Variants in ERBB4 observed in about 807,000 individuals in gnomAD.
The protein encoded by ERBB4 is receptor tyrosine-protein kinase erbB-4.
ERBB4 carries 42 observed loss-of-function variants against 158.0 expected under a neutral mutation model. The observed-to-expected ratio is 0.27, with a 90% confidence interval of 0.21 to 0.34. The LOEUF (loss-of-function observed/expected upper bound fraction) is 0.34, where lower values mean the gene tolerates loss of function less well. ERBB4 is among the 10% of genes least tolerant of loss of function. The probability of loss-of-function intolerance (pLI) is 1.00; values close to 1 mark genes in which losing one functional copy is unlikely to be tolerated. For synonymous variants in ERBB4, 583 were observed against 558.7 expected, an observed-to-expected ratio of 1.04 and a Z score of -0.61; for missense variants, 1,333 against 1,624.1, an observed-to-expected ratio of 0.82 and a Z score of 3.08.
At chr2:211,968,012 G>T (rs955229265) in intron 2 of ERBB4, among the ~76,000 whole-genome samples, 1 of 151,708 alleles carries the variant, frequency 6.6e-6, no homozygotes, top group Non-Finnish European at 1.5e-5. Context: ...AGACTACATA[G>T]ATATATTTAG....
chr2:212,352,334 A>AAC lies in ERBB4; in HGVS notation c.82+186114_82+186115insGT, dbSNP rs1015847729. On this transcript the variant is annotated intron_variant, in intron 1 of 27. Coordinates refer to ENST00000342788, the MANE Select transcript of ERBB4 (RefSeq NM_005235.3). ...AACCTAAAATAAAAGTTAAAAAAAA[A>AAC]AAAACACTTTATTTTAGATTGAAAA... Among the ~76,000 whole-genome samples, 4 of 152,076 alleles carry AAC rather than the reference A, an allele frequency of 2.6e-5. No individual in the cohort carries two copies. The East Asian group carries it at 5.8e-4, about 22-fold the overall frequency.
intron 3 of ERBB4, among the ~76,000 whole-genome samples, chr2:211,863,322 G>A (rs916476708): frequency 3.9e-5 from 6 of 152,184 alleles, no homozygotes; most frequent in African/African-American, 1.4e-4. Context: ...CAATCAGCAG[G>A]ACATGAGCAG....
intron 1 of ERBB4, among the ~76,000 whole-genome samples, chr2:212,169,785 T>C (rs2081458233): frequency 6.6e-6 from 1 of 152,174 alleles, no homozygotes; most frequent in Non-Finnish European, 1.5e-5. Context: ...ATCTGATGAT[T>C]TATCAAGAGT....
At chr2:212,454,417 T>C (rs1371824636) in intron 1 of ERBB4, among the ~76,000 whole-genome samples, 1 of 152,206 alleles carries the variant, frequency 6.6e-6, no homozygotes, top group Non-Finnish European at 1.5e-5. Flanking sequence ...TTTTAAAAGC[T>C]AGCTATTATC....
intron 2 of ERBB4, among the ~76,000 whole-genome samples, chr2:212,055,449 G>C (rs2077530135): frequency 6.6e-6 from 1 of 152,238 alleles, no homozygotes; most frequent in Non-Finnish European, 1.5e-5. Flanking sequence ...CCAACACAGA[G>C]TCTGAGATCT....
rs555504637 is a variant in ERBB4, at chr2:211,889,212, A to C, written c.421+58218T>G. On this transcript the variant is annotated intron_variant, in intron 3 of 27. Coordinates refer to ENST00000342788, the MANE Select transcript of ERBB4 (RefSeq NM_005235.3). ...CGCAGCTGGAGATCTGAGAACCCGC[A>C]GACTGCCTCCTCAAGTGGGTCCCTG... is the stretch of plus-strand genomic sequence containing the variant. 7.6e-5 allele frequency among the ~76,000 whole-genome samples: 11 copies of C among 145,120 alleles called. 1 individual carries two copies. Among genetic ancestry groups the C allele is most frequent in the East Asian group, 1.9e-4 (1 of 5,164 alleles).
chr2:212,331,894 T>G (rs1451598023), intron 1 of ERBB4, among the ~76,000 whole-genome samples: 1 of 152,066 alleles, frequency 6.6e-6, no homozygotes, highest in East Asian at 1.9e-4. Context: ...AATTCAATAT[T>G]TAAGCAGAAT....
chr2:211,913,655 G>A (rs906286735), intron 3 of ERBB4, among the ~76,000 whole-genome samples: 7 of 142,184 alleles, frequency 4.9e-5, no homozygotes, highest in Non-Finnish European at 7.7e-5. Flanking sequence ...GTGTGTGTGT[G>A]TGTATGTGTG....
At chr2:211,727,464 G>T (rs976400841) in intron 5 of ERBB4, among the ~76,000 whole-genome samples, 1 of 152,002 alleles carries the variant, frequency 6.6e-6, no homozygotes, top group African/African-American at 2.4e-5. Context: ...ATATAAGGCA[G>T]TATTCCCTTC....
intron 3 of ERBB4, among the ~76,000 whole-genome samples, chr2:211,838,729 T>C (rs975876273): frequency 6.6e-6 from 1 of 152,128 alleles, no homozygotes; most frequent in Non-Finnish European, 1.5e-5. Flanking sequence ...AGTTTAAAAA[T>C]ATATTTGAAA....
At chr2:211,974,993 T>C (rs1378374420) in intron 2 of ERBB4, among the ~76,000 whole-genome samples, 1 of 132,114 alleles carries the variant, frequency 7.6e-6, no homozygotes, top group Non-Finnish European at 1.6e-5. Flanking sequence ...ATCCATCACT[T>C]TTTTTTTTGA....
chr2:212,191,677 T>TGTGTTATACATGTTACATATAACAC lies in ERBB4; in HGVS notation c.83-66799_83-66775dup, dbSNP rs1281593568. ...TGCGTTATACATGTCATATATCGCG[T>TGTGTTATACATGTTACATATAACAC]GTGTTATACATGTTACATATAACAC... On this transcript the variant is annotated intron_variant, in intron 1 of 27. Transcript: ENST00000342788. Among the ~76,000 whole-genome samples the TGTGTTATACATGTTACATATAACAC allele has an allele frequency of 5.5e-3, 553 of 99,682 alleles. 5 individuals are homozygous for TGTGTTATACATGTTACATATAACAC. The highest frequency in any genetic ancestry group is 0.017 in the African/African-American group (497 of 28,428). The allele number at this position is 99,682 out of a possible 152,430, so 65.4% of individuals were successfully genotyped here. A position where few individuals can be genotyped will look rare whatever the true frequency, so the allele number is the denominator to read the frequency against.
chr2:211,512,478 A>G (rs2065906892), intron 20 of ERBB4, among the ~76,000 whole-genome samples: 1 of 152,052 alleles, frequency 6.6e-6, no homozygotes, highest in Non-Finnish European at 1.5e-5. Flanking sequence ...ATAGAAAGAA[A>G]CTTCCTAAAA....
At chr2:211,671,649 G>A (rs532626085) in intron 14 of ERBB4, among the ~76,000 whole-genome samples, 1 of 152,160 alleles carries the variant, frequency 6.6e-6, no homozygotes, top group South Asian at 2.1e-4. Context: ...TCAGATGAGA[G>A]GGCCAAATCC....
rs62186291 is a variant in ERBB4, at chr2:212,458,853, G to T, written c.82+79596C>A. 8.4e-3 allele frequency among the ~76,000 whole-genome samples: 1,282 copies of T among 152,264 alleles called. 8 individuals are homozygous for T. The highest frequency in any genetic ancestry group is 0.014 in the Middle Eastern group (4 of 294). ...GATATATTTGGGTCGGAAAAGAAGA[G>T]AATAATTTCAGGAGTGTCCTAAGGA... On this transcript the variant is annotated intron_variant, in intron 1 of 27. Coordinates refer to ENST00000342788, the MANE Select transcript of ERBB4 (RefSeq NM_005235.3).
chr2:211,746,204 C>G (rs2074967310), intron 5 of ERBB4, among the ~76,000 whole-genome samples: 1 of 151,946 alleles, frequency 6.6e-6, no homozygotes, highest in South Asian at 2.1e-4. Context: ...TTGCTTGAAG[C>G]CAGGAGTTTG....
chr2:211,617,447 T>C (rs1483294069), intron 19 of ERBB4, among the ~76,000 whole-genome samples: 1 of 152,126 alleles, frequency 6.6e-6, no homozygotes, highest in Non-Finnish European at 1.5e-5. Context: ...CCAGGACATG[T>C]AGCAGTGGCG....
intron 1 of ERBB4, among the ~76,000 whole-genome samples, chr2:212,140,753 A>C (rs868779708): frequency 1.3e-5 from 2 of 151,366 alleles, no homozygotes. Flanking sequence ...ATTCCTTAAA[A>C]AGTTGAGTGT....
At chr2:212,439,784 C>A (rs1444208713) in intron 1 of ERBB4, among the ~76,000 whole-genome samples, 4 of 151,994 alleles carry the variant, frequency 2.6e-5, no homozygotes, top group Non-Finnish European at 5.9e-5. Context: ...GTTGTCATTC[C>A]AACACCTGAG....
Sources: gnomAD v4.1 joint callset for allele counts (sites outside exome capture counted in the v4.1 genomes callset) on GRCh38, gnomAD v4.1.1 for gene constraint, MANE v1.5 for transcripts, NCBI Gene and HGNC (gene_info 2026-07-23, HGNC 2026-07-21) for gene names.